Variants in SRD5A3 observed in about 807,000 individuals in gnomAD.
SRD5A3 encodes steroid 5 alpha-reductase 3, also known as polyprenal reductase.
A neutral mutation model predicts 34.3 loss-of-function variants in SRD5A3; 24 were observed. That is an observed-to-expected ratio of 0.70 (90% CI 0.51 to 0.99). The LOEUF (loss-of-function observed/expected upper bound fraction) is 0.99. Ranked by LOEUF, SRD5A3 falls within the 50% of genes least tolerant of loss-of-function variation. The pLI is 0.00. For missense variants in SRD5A3, 350 were observed against 388.2 expected (o/e 0.90, Z 0.83); for synonymous variants, 161 against 167.3 (o/e 0.96, Z 0.29).
chr4:55,358,535 C>CAAAAAA (rs576702969), intron 1 of SRD5A3, among the ~76,000 whole-genome samples: 4 of 112,744 alleles, frequency 3.5e-5, no homozygotes, highest in Admixed American at 2.1e-4. Flanking sequence ...GACCCTGTCT[C>CAAAAAA]AAAAAAAAAA....
At chr4:55,347,919 C>G (rs1719054864) in intron 1 of SRD5A3, among the ~76,000 whole-genome samples, 1 of 152,154 alleles carries the variant, frequency 6.6e-6, no homozygotes. Context: ...TACCTGTTAT[C>G]CCATTTGTAA....
chr4:55,363,045 C>T (rs1719744145), intron 2 of SRD5A3, among the ~76,000 whole-genome samples: 2 of 151,700 alleles, frequency 1.3e-5, no homozygotes, highest in East Asian at 2.0e-4. Context: ...CAGGGTTTCA[C>T]CATGTTGCCC....
chr4:55,353,656 G>T (rs925471257), intron 1 of SRD5A3, among the ~76,000 whole-genome samples: 1 of 152,160 alleles, frequency 6.6e-6, no homozygotes, highest in Non-Finnish European at 1.5e-5. Flanking sequence ...AAGGTCTGCG[G>T]CTTCACTCCT....
chr4:55,346,538 G>A lies in SRD5A3; in HGVS notation c.202G>A (p.Ala68Thr). The change falls in exon 1 of 5, where the codon GCC becomes ACC. Residue 68 changes from alanine to threonine, a missense_variant. Ala to Thr is a moderately conservative substitution (Grantham distance 58). This residue lies in a region of SRD5A3 where 159 missense variants were observed against 149.1 expected (regional missense o/e 1.07). Coordinates refer to ENST00000264228, the MANE Select transcript of SRD5A3 (RefSeq NM_024592.5). ...GEPSRPAACR[A>T]FDVPKRYFSH... The stretch of plus-strand genomic sequence containing the variant: ...GCCGTCGCGCCCCGCCGCCTGCCGA[G>A]CCTTTGATGTCCCCAAGAGGTAACC... 3 of 1,597,504 alleles carry A rather than the reference G, an allele frequency of 1.9e-6. No individual in the cohort carries two copies. The highest frequency in any genetic ancestry group is 2.6e-6 in the Non-Finnish European group (3 of 1,173,072).
intron 2 of SRD5A3, among the ~76,000 whole-genome samples, chr4:55,360,184 C>T (rs1333999768): frequency 6.8e-6 from 1 of 146,682 alleles, no homozygotes; most frequent in Non-Finnish European, 1.5e-5. Context: ...CACTGCACTC[C>T]AGCCTGGGCA....
intron 3 of SRD5A3, among the ~76,000 whole-genome samples, chr4:55,365,248 C>A (rs1719843817): frequency 6.6e-6 from 1 of 152,146 alleles, no homozygotes; most frequent in Non-Finnish European, 1.5e-5. Flanking sequence ...TAGCGATTTC[C>A]AACAATCTGT....
In SRD5A3 at chr4:55,348,855, G is replaced by A. The variant is rs543285214; in HGVS notation, c.221+2298G>A. The stretch of plus-strand genomic sequence containing the variant: ...AAGCTCTTATCCTCTGGTATACTTC[G>A]TGGGAAATATCTTGTACCATGTGAA... On this transcript the variant is annotated intron_variant, in intron 1 of 4. Transcript: ENST00000264228. Among the ~76,000 whole-genome samples the A allele has an allele frequency of 7.2e-5, 11 of 152,304 alleles. No individual in the cohort carries two copies. In the East Asian group the frequency reaches 1.2e-3, roughly 16 times the overall value.
Position 55,355,097 on chromosome 4 carries a change from G to C in SRD5A3, c.222-4249G>C, listed in dbSNP as rs546910990. ...AAAACAGAACGCAGTGAAGATTTTA[G>C]ATTGGCTTTTGGAGGCTCAAGCTGG... is the stretch of plus-strand genomic sequence containing the variant. On this transcript the variant is annotated intron_variant, in intron 1 of 4. Transcript: ENST00000264228. 1.6e-4 allele frequency among the ~76,000 whole-genome samples: 24 copies of C among 152,382 alleles called. No homozygotes were observed. The South Asian group carries it at 5.0e-3, about 32-fold the overall frequency.
In SRD5A3 at chr4:55,359,116, C is replaced by T. The variant is rs1719580775; in HGVS notation, c.222-230C>T. On this transcript the variant is annotated intron_variant, in intron 1 of 4. Coordinates refer to ENST00000264228, the MANE Select transcript of SRD5A3 (RefSeq NM_024592.5). ...TAAGTTTAACACAGTTGGTTGTGTT[C>T]TTGTTAACCTCAGAGAGGCCTCTTT... is the stretch of plus-strand genomic sequence containing the variant. 3 of 528,314 alleles carry T rather than the reference C, an allele frequency of 5.7e-6. No homozygotes were observed. The East Asian group carries it at 1.1e-4, about 19-fold the overall frequency. 32.7% of individuals were successfully genotyped at this position (528,314 alleles called of 1,614,324 possible).
chr4:55,350,847 C>T (rs1239765692), intron 1 of SRD5A3, among the ~76,000 whole-genome samples: 1 of 150,558 alleles, frequency 6.6e-6, no homozygotes, highest in African/African-American at 2.4e-5. Context: ...ACTGCAACTT[C>T]CACCTCCTGG....
At chr4:55,355,143 G>A in intron 1 of SRD5A3, among the ~76,000 whole-genome samples, 1 of 152,194 alleles carries the variant, frequency 6.6e-6, no homozygotes, top group Non-Finnish European at 1.5e-5. Flanking sequence ...ACAAACAAGA[G>A]CTATGACTTG....
chr4:55,350,820 T>C (rs976074859), intron 1 of SRD5A3, among the ~76,000 whole-genome samples: 3 of 149,398 alleles, frequency 2.0e-5, no homozygotes, highest in African/African-American at 4.9e-5. Flanking sequence ...TGGAATGCTG[T>C]GGTGCAGTCT....
Position 55,370,214 on chromosome 4 carries a change from C to T in SRD5A3, c.*123C>T. 1 of 1,329,418 alleles carries T rather than the reference C, an allele frequency of 7.5e-7. No individual in the cohort carries two copies. Among genetic ancestry groups the T allele is most frequent in the Non-Finnish European group, 1.1e-6 (1 of 941,714 alleles). 82.4% of individuals were successfully genotyped at this position (1,329,418 alleles called of 1,614,324 possible). A position where few individuals can be genotyped will look rare whatever the true frequency, so the allele number is the denominator to read the frequency against. ...TGAAACTCTCCATTCCATTTCTATA[C>T]CCCACAAGTTTTCACTGAATGAGCA... On this transcript the variant is annotated 3_prime_UTR_variant, in exon 5 of 5. Transcript: ENST00000264228.
chr4:55,352,181 A>G, intron 1 of SRD5A3: 2 of 907,856 alleles, frequency 2.2e-6, no homozygotes, highest in Non-Finnish European at 3.7e-6. Flanking sequence ...GGAAAAGTTG[A>G]TAAAGGTTGG....
At chr4:55,353,868 T>C (rs1348165802) in intron 1 of SRD5A3, among the ~76,000 whole-genome samples, 1 of 152,138 alleles carries the variant, frequency 6.6e-6, no homozygotes, top group Non-Finnish European at 1.5e-5. Context: ...TTAAGAACCG[T>C]AACACTCACT....
At chr4:55,351,092 G>T (rs1719174402) in intron 1 of SRD5A3, among the ~76,000 whole-genome samples, 1 of 144,052 alleles carries the variant, frequency 6.9e-6, no homozygotes, top group Non-Finnish European at 1.5e-5. Flanking sequence ...TTTTTCTTGA[G>T]ACAGGGTTTC....
chr4:55,369,986 C>G lies in SRD5A3; in HGVS notation c.852C>G (p.Val284=). The G allele has an allele frequency of 1.9e-6, 3 of 1,614,112 alleles. No individual in the cohort carries two copies. The highest frequency in any genetic ancestry group is 2.5e-6 in the Non-Finnish European group (3 of 1,180,024). ...NLTWWLVVTN[V]FFNQALSAFL... ...CTTGGTGGCTAGTGGTGACAAATGT[C>G]TTCTTTAATCAGGCCCTGTCTGCCT... The change falls in exon 5 of 5, where the codon GTC becomes GTG. Residue 284 remains valine (V), a synonymous_variant. Coordinates refer to ENST00000264228, the MANE Select transcript of SRD5A3 (RefSeq NM_024592.5).
At chr4:55,348,276 T>C (rs1719068729) in intron 1 of SRD5A3, among the ~76,000 whole-genome samples, 1 of 152,204 alleles carries the variant, frequency 6.6e-6, no homozygotes, top group South Asian at 2.1e-4. Context: ...CAGACATTTC[T>C]TTTAGTACTG....
In SRD5A3 at chr4:55,349,534, A is replaced by AT. The variant is rs561134776; in HGVS notation, c.221+2991dup. On this transcript the variant is annotated intron_variant, in intron 1 of 4. Transcript: ENST00000264228. ...TGTTTCCATGACTCCTGTCTGGTAGATTTTTTTTTTTTTTAAATAAGGTGA... is the reference window on the plus strand; with the variant it reads ...TGTTTCCATGACTCCTGTCTGGTAGATTTTTTTTTTTTTTTAAATAAGGTGA... 1.1e-3 allele frequency among the ~76,000 whole-genome samples: 163 copies of AT among 143,178 alleles called. 1 individual carries two copies. The highest frequency in any genetic ancestry group is 2.9e-3 in the South Asian group (13 of 4,524). The allele number at this position is 143,178 out of a possible 152,430, so 93.9% of individuals were successfully genotyped here. A position where few individuals can be genotyped will look rare whatever the true frequency, so the allele number is the denominator to read the frequency against.
Sources: allele counts gnomAD v4.1 joint callset (sites outside exome capture counted in the v4.1 genomes callset), GRCh38; gene constraint gnomAD v4.1.1; regional missense constraint gnomAD v4.1.1; transcripts MANE v1.5; gene names NCBI Gene and HGNC (gene_info 2026-07-23, HGNC 2026-07-21).